Variants in NEO1 observed in about 807,000 individuals in gnomAD.
The protein encoded by NEO1 is neogenin.
NEO1 carries 63 observed loss-of-function variants against 159.7 expected under a neutral mutation model. That is an observed-to-expected ratio of 0.39 (90% CI 0.32 to 0.49). The LOEUF (loss-of-function observed/expected upper bound fraction) is 0.49, where lower values mean the gene tolerates loss of function less well. Among genes scored for constraint, NEO1 ranks in the 20% least tolerant of loss-of-function variants. NEO1 has a pLI of 0.85. For synonymous variants in NEO1, 633 were observed against 662.0 expected (o/e 0.96, Z 0.67); for missense variants, 1,615 against 1,831.0 (o/e 0.88, Z 2.15).
intron 7 of NEO1, among the ~76,000 whole-genome samples, chr15:73,227,815 A>G (rs2038677321): frequency 6.6e-6 from 1 of 152,244 alleles, no homozygotes; most frequent in South Asian, 2.1e-4. Flanking sequence ...CTTCTTGTTA[A>G]GTAACCAAGC....
intron 5 of NEO1, among the ~76,000 whole-genome samples, chr15:73,150,980 GTTC>G (rs1429751088): frequency 1.3e-5 from 2 of 152,156 alleles, no homozygotes; most frequent in Non-Finnish European, 2.9e-5. Context: ...TTAGAAACCT[GTTC>G]TTCTTTGTTA....
Position 73,272,713 on chromosome 15 carries a change from T to A in NEO1, c.2965+151T>A. 10 of 637,740 alleles carry A rather than the reference T, an allele frequency of 1.6e-5. 1 individual carries two copies. The South Asian group carries it at 1.9e-4, about 12-fold the overall frequency. The allele number at this position is 637,740 out of a possible 1,614,324, so 39.5% of individuals were successfully genotyped here. On this transcript the variant is annotated intron_variant, in intron 19 of 28. Transcript: ENST00000261908. ...GTGTGAGTCATGATGGTCCTTGAAA[T>A]TGGGGTGAGGCTGTGCTGGTCGCCC...
intron 7 of NEO1, among the ~76,000 whole-genome samples, chr15:73,231,605 A>C (rs1339815192): frequency 6.6e-6 from 1 of 152,154 alleles, no homozygotes; most frequent in Non-Finnish European, 1.5e-5. Context: ...GTGGATGTGC[A>C]TGCCTGTGGT....
At chr15:73,282,889 A>C in intron 22 of NEO1, 75 bp from the exon 23 acceptor site, 1 of 1,518,868 alleles carries the variant, frequency 6.6e-7, no homozygotes, top group South Asian at 1.2e-5. Flanking sequence ...TGAGATATTA[A>C]TGGTTCTGTA....
chr15:73,267,657 C>T (rs1047960242), intron 16 of NEO1, among the ~76,000 whole-genome samples: 5 of 150,518 alleles, frequency 3.3e-5, no homozygotes, highest in Admixed American at 1.3e-4. Flanking sequence ...TTTGTCCTTG[C>T]GATAGTTTGC....
At chr15:73,110,995 AAGAT>A (rs781143059) in intron 1 of NEO1, among the ~76,000 whole-genome samples, 9 of 152,190 alleles carry the variant, frequency 5.9e-5, no homozygotes, top group Non-Finnish European at 1.0e-4. Context: ...ACTGAAAAAA[AAGAT>A]AAGAAGAATG....
intron 5 of NEO1, among the ~76,000 whole-genome samples, chr15:73,138,756 A>C (rs1249193012): frequency 3.9e-5 from 3 of 77,620 alleles, no homozygotes; most frequent in Admixed American, 9.5e-5. Flanking sequence ...ACTCCGTCTC[A>C]AAAAAAAAAA....
chr15:73,255,455 G>A (rs1430524474), intron 13 of NEO1: 3 of 152,204 alleles, frequency 2.0e-5, no homozygotes, highest in Non-Finnish European at 4.4e-5. Flanking sequence ...TCTTCCTCAA[G>A]GAGGGGAAGT....
intron 9 of NEO1, among the ~76,000 whole-genome samples, chr15:73,245,071 T>G (rs2039714976): frequency 6.6e-6 from 1 of 151,716 alleles, no homozygotes; most frequent in Non-Finnish European, 1.5e-5. Context: ...TTAGCTCAGA[T>G]GCCTTCTAGA....
chr15:73,299,548 G>A (rs2042526001), intron 27 of NEO1, among the ~76,000 whole-genome samples: 1 of 152,060 alleles, frequency 6.6e-6, no homozygotes, highest in Non-Finnish European at 1.5e-5. Flanking sequence ...ACCATGCGCA[G>A]CTAATTTTTT....
chr15:73,053,159 C>T (rs925527675), intron 1 of NEO1, among the ~76,000 whole-genome samples: 2 of 152,120 alleles, frequency 1.3e-5, no homozygotes, highest in African/African-American at 4.8e-5. Flanking sequence ...GAGGCCACTA[C>T]ACACCTCATT....
chr15:73,298,684 C>G, intron 27 of NEO1, 73 bp downstream of exon 27: 2 of 1,567,406 alleles, frequency 1.3e-6, no homozygotes, highest in Admixed American at 1.7e-5. Flanking sequence ...TGGGACAAAG[C>G]CACCCCTTCT....
At chr15:73,082,383 A>T (rs968121011) in intron 1 of NEO1, among the ~76,000 whole-genome samples, 2 of 152,222 alleles carry the variant, frequency 1.3e-5, no homozygotes, top group Non-Finnish European at 2.9e-5. Flanking sequence ...CATTTGTAGA[A>T]TTACTGAGCT....
chr15:73,086,340 A>G (rs991486046), intron 1 of NEO1, among the ~76,000 whole-genome samples: 1 of 152,072 alleles, frequency 6.6e-6, no homozygotes, highest in African/African-American at 2.4e-5. Flanking sequence ...CTTTATAGTA[A>G]GTTTTCAAGT....
intron 7 of NEO1, among the ~76,000 whole-genome samples, chr15:73,188,400 G>C (rs1596300362): frequency 6.6e-6 from 1 of 152,132 alleles, no homozygotes; most frequent in South Asian, 2.1e-4. Context: ...TTTTCTACTT[G>C]TTGTTATATC....
chr15:73,250,705 GA>G (rs371223261), intron 11 of NEO1, among the ~76,000 whole-genome samples: 1,662 of 150,772 alleles, frequency 0.011, 21 homozygotes, highest in East Asian at 0.05. Context: ...TTTTGTGAAA[GA>G]AAAAAAAGGT....
At chr15:73,057,691 A>T (rs979031260) in intron 1 of NEO1, among the ~76,000 whole-genome samples, 1 of 152,182 alleles carries the variant, frequency 6.6e-6, no homozygotes, top group Admixed American at 6.5e-5. Context: ...TGACAAAAAA[A>T]GGCATTCAGA....
At chr15:73,202,926 A>C (rs1307205276) in intron 7 of NEO1, among the ~76,000 whole-genome samples, 1 of 152,228 alleles carries the variant, frequency 6.6e-6, no homozygotes, top group African/African-American at 2.4e-5. Flanking sequence ...TCCTCAAGGT[A>C]CATCCATATT....
chr15:73,300,769 A>C (rs2042583516), intron 27 of NEO1, among the ~76,000 whole-genome samples: 1 of 152,250 alleles, frequency 6.6e-6, no homozygotes, highest in South Asian at 2.1e-4. Flanking sequence ...ACACAGCTGA[A>C]GTACTTTATG....
Sources: allele counts gnomAD v4.1 joint callset (sites outside exome capture counted in the v4.1 genomes callset), GRCh38; gene constraint gnomAD v4.1.1; transcripts MANE v1.5; gene names NCBI Gene and HGNC (gene_info 2026-07-23, HGNC 2026-07-21).